The following XXYLT1 variants were observed in gnomAD, a reference collection of about 807,000 sequenced individuals.
XXYLT1 encodes xyloside xylosyltransferase 1, also known as UDP-xylose:alpha-xyloside alpha-1,3-xylosyltransferase.
Under a neutral mutation model 28.9 loss-of-function variants are expected in XXYLT1, and 20 were observed. That is an observed-to-expected ratio of 0.69 (90% CI 0.49 to 1.00). The LOEUF (loss-of-function observed/expected upper bound fraction) is 1.00, where lower values mean the gene tolerates loss of function less well. XXYLT1 is among the 50% of genes least tolerant of loss of function. XXYLT1 has a pLI of 0.00. For missense variants in XXYLT1, 542 were observed against 560.1 expected, an observed-to-expected ratio of 0.97 and a Z score of 0.33; for synonymous variants, 257 against 253.8, an observed-to-expected ratio of 1.01 and a Z score of -0.12.
At chr3:195,266,035 A>G (rs531700607) in intron 1 of XXYLT1, among the ~76,000 whole-genome samples, 1 of 152,290 alleles carries the variant, frequency 6.6e-6, no homozygotes, top group South Asian at 2.1e-4. Flanking sequence ...CAAGTGTGAG[A>G]CTGCACTTGA....
At chr3:195,094,808 C>G (rs1454200571) in intron 3 of XXYLT1, 2 of 153,610 alleles carry the variant, frequency 1.3e-5, no homozygotes, top group Admixed American at 6.5e-5. Flanking sequence ...TCGCAGATGC[C>G]ATTCTGATTA....
chr3:195,234,611 A>G (rs1724455385), intron 1 of XXYLT1, among the ~76,000 whole-genome samples: 1 of 151,992 alleles, frequency 6.6e-6, no homozygotes, highest in African/African-American at 2.4e-5. Flanking sequence ...GAGCCACCGC[A>G]CCCAGCCTGA....
At chr3:195,140,495 T>C (rs369707535) in intron 3 of XXYLT1, among the ~76,000 whole-genome samples, 1 of 152,186 alleles carries the variant, frequency 6.6e-6, no homozygotes, top group South Asian at 2.1e-4. Context: ...GAGATTGGGT[T>C]GATTTATGTA....
intron 1 of XXYLT1, chr3:195,270,352 C>T: frequency 1.6e-6 from 2 of 1,234,964 alleles, no homozygotes; most frequent in East Asian, 3.0e-5. Context: ...CAGCTCCACT[C>T]CTCAGCACCA....
intron 2 of XXYLT1, among the ~76,000 whole-genome samples, chr3:195,219,507 G>A (rs905211834): frequency 2.0e-5 from 3 of 152,234 alleles, no homozygotes; most frequent in African/African-American, 7.2e-5. Context: ...GAAGGAATGA[G>A]GAAGGGAAGG....
chr3:195,102,659 T>TTG (rs543347960), intron 3 of XXYLT1, among the ~76,000 whole-genome samples: 6,403 of 151,164 alleles, frequency 0.042, 229 homozygotes, highest in African/African-American at 0.1. Context: ...ATATTCCGTT[T>TTG]TGTGTGTGTG....
chr3:195,153,131 C>G (rs1429532835), intron 3 of XXYLT1, among the ~76,000 whole-genome samples: 1 of 152,234 alleles, frequency 6.6e-6, no homozygotes, highest in Non-Finnish European at 1.5e-5. Context: ...TCCTCTCTCC[C>G]CTTCCATTCC....
At chr3:195,187,747 C>T (rs558236855) in intron 2 of XXYLT1, among the ~76,000 whole-genome samples, 3 of 152,146 alleles carry the variant, frequency 2.0e-5, no homozygotes, top group African/African-American at 4.8e-5. Context: ...TGCATTCCAC[C>T]GAACATGCTC....
At chr3:195,202,050 A>G (rs189956662) in intron 2 of XXYLT1, among the ~76,000 whole-genome samples, 3 of 151,880 alleles carry the variant, frequency 2.0e-5, no homozygotes, top group Admixed American at 6.5e-5. Flanking sequence ...GGTGGTGTGC[A>G]CCTGTAATCC....
At chr3:195,179,064 G>A (rs1169042601) in intron 2 of XXYLT1, among the ~76,000 whole-genome samples, 5 of 152,130 alleles carry the variant, frequency 3.3e-5, no homozygotes, top group African/African-American at 7.2e-5. Flanking sequence ...TGATGGGGCC[G>A]GGCGCGGTGG....
chr3:195,240,649 C>T lies in XXYLT1; in HGVS notation c.505-13793G>A, dbSNP rs772850406. Among the ~76,000 whole-genome samples, 59 of 152,236 alleles carry T rather than the reference C, an allele frequency of 3.9e-4. 1 individual carries two copies. The highest frequency in any genetic ancestry group is 3.9e-3 in the Admixed American group (59 of 15,286). ...ACAGACAGCAACGCCACAGGTCGGC[C>T]GGAGGCCAAGGGTTCACCCATCTCC... is the stretch of plus-strand genomic sequence containing the variant. On this transcript the variant is annotated intron_variant, in intron 1 of 3. Transcript: ENST00000310380. The surrounding 1 kb of genome is among the most constrained non-coding windows in gnomAD (Gnocchi z 4.7).
At chr3:195,146,122 C>T (rs1040838178) in intron 3 of XXYLT1, among the ~76,000 whole-genome samples, 2 of 152,222 alleles carry the variant, frequency 1.3e-5, no homozygotes, top group African/African-American at 2.4e-5. Flanking sequence ...AGAAGAAATG[C>T]AGTCCTGTGG....
intron 3 of XXYLT1, among the ~76,000 whole-genome samples, chr3:195,107,617 G>GAGCCGCAA: frequency 4.8e-5 from 1 of 20,854 alleles, no homozygotes; most frequent in Non-Finnish European, 8.5e-5. Flanking sequence ...AAGGGGAGGA[G>GAGCCGCAA]GAGGGGGAGG....
intron 3 of XXYLT1, among the ~76,000 whole-genome samples, chr3:195,125,889 C>T (rs1185804554): frequency 6.6e-6 from 1 of 152,164 alleles, no homozygotes; most frequent in African/African-American, 2.4e-5. Flanking sequence ...GCCAGAACCC[C>T]GCCCAGACAA....
chr3:195,191,227 T>C (rs1168663241), intron 2 of XXYLT1, among the ~76,000 whole-genome samples: 1 of 152,124 alleles, frequency 6.6e-6, no homozygotes, highest in East Asian at 1.9e-4. Context: ...TGTGCCTACC[T>C]CTCCTGCCTC....
chr3:195,099,031 C>G (rs1246772115), intron 3 of XXYLT1, among the ~76,000 whole-genome samples: 1 of 152,198 alleles, frequency 6.6e-6, no homozygotes, highest in South Asian at 2.1e-4. Context: ...AATGTATTTA[C>G]TTTCCAAAGC....
intron 2 of XXYLT1, among the ~76,000 whole-genome samples, chr3:195,220,888 T>C (rs1049281736): frequency 2.0e-5 from 3 of 152,186 alleles, no homozygotes; most frequent in Non-Finnish European, 2.9e-5. Context: ...ATAGAGTGAC[T>C]TCCCTCCAAA....
chr3:195,087,007 G>A (rs1715768919), intron 3 of XXYLT1, among the ~76,000 whole-genome samples: 1 of 152,104 alleles, frequency 6.6e-6, no homozygotes, highest in African/African-American at 2.4e-5. Context: ...GGCCTTCCCA[G>A]CTCCAGGTCG....
rs112506782 is a variant in XXYLT1 at position 195,141,623 on chromosome 3, T to C, written c.785+14826A>G. Among the ~76,000 whole-genome samples the C allele has an allele frequency of 4.1e-3, 624 of 152,306 alleles. 4 individuals carry two copies. The highest frequency in any genetic ancestry group is 0.014 in the African/African-American group (585 of 41,556). On this transcript the variant is annotated intron_variant, in intron 3 of 3. Coordinates refer to ENST00000310380, the MANE Select transcript of XXYLT1 (RefSeq NM_152531.5). ...TGAGGCCACACTCTTAACCGCCTCT[T>C]CAAAGACCGAGAGCTCAGTGGGGTC...
Sources: gnomAD v4.1 joint callset for allele counts (sites outside exome capture counted in the v4.1 genomes callset) on GRCh38, gnomAD v4.1.1 for gene constraint, Gnocchi (gnomAD v3.1) non-coding constraint, MANE v1.5 for transcripts, NCBI Gene and HGNC (gene_info 2026-07-23, HGNC 2026-07-21) for gene names.